SF3A3: variants seen among roughly 807,000 people sequenced by gnomAD.
The protein encoded by SF3A3 is splicing factor 3a subunit 3, also known as SAP 61.
SF3A3 carries 9 observed loss-of-function variants against 85.8 expected under a neutral mutation model. The ratio of observed to expected loss-of-function variants is 0.10; its 90% CI spans 0.06 to 0.18. SF3A3 has a LOEUF of 0.18. SF3A3 is among the 10% of genes least tolerant of loss of function. The pLI is 1.00. For synonymous variants in SF3A3, 195 were observed against 204.4 expected, an observed-to-expected ratio of 0.95 and a Z score of 0.39; for missense variants, 306 against 593.3, an observed-to-expected ratio of 0.52 and a Z score of 5.03.
intron 4 of SF3A3, among the ~76,000 whole-genome samples, chr1:37,985,176 G>GA (rs1330489787): frequency 6.6e-6 from 1 of 152,170 alleles, no homozygotes; most frequent in East Asian, 1.9e-4. Context: ...TTGGACTTCT[G>GA]ATGATTTATT....
At chr1:37,988,897 T>A (rs56292740) in intron 2 of SF3A3, among the ~76,000 whole-genome samples, 38,662 of 135,868 alleles carry the variant, frequency 0.28, 5,125 homozygotes, top group East Asian at 0.39. Context: ...ATATATATAT[T>A]TTTTTTTTCA....
At chr1:37,965,862 C>G (rs1646296231) in intron 15 of SF3A3, among the ~76,000 whole-genome samples, 2 of 152,108 alleles carry the variant, frequency 1.3e-5, no homozygotes, top group African/African-American at 4.8e-5. Context: ...TTACTTCTGT[C>G]TAATCAGCCA....
intron 9 of SF3A3, 106 bp from the exon 10 acceptor site, chr1:37,979,161 A>G: frequency 1.2e-6 from 1 of 856,950 alleles, no homozygotes; most frequent in Non-Finnish European, 2.0e-6. Context: ...AGGACCACAC[A>G]TTTCACAGCC....
At chr1:37,986,263 G>C (rs1570471231) in intron 4 of SF3A3, among the ~76,000 whole-genome samples, 1 of 151,918 alleles carries the variant, frequency 6.6e-6, no homozygotes, top group Non-Finnish European at 1.5e-5. Flanking sequence ...CCTTTCAAAT[G>C]CATGTTCCAT....
At chr1:37,980,479 T>C in intron 8 of SF3A3, 107 bp downstream of exon 8, 2 of 1,185,978 alleles carry the variant, frequency 1.7e-6, no homozygotes, top group Non-Finnish European at 2.4e-6. Flanking sequence ...TCACAAGTGA[T>C]ACCAAGGAAT....
chr1:37,976,155 C>CA (rs11312772), intron 12 of SF3A3, among the ~76,000 whole-genome samples: 3 of 142,576 alleles, frequency 2.1e-5, no homozygotes, highest in African/African-American at 7.8e-5. Flanking sequence ...GACTCTGTCT[C>CA]AAAAAAAAAA....
intron 15 of SF3A3, among the ~76,000 whole-genome samples, chr1:37,963,882 A>AAAG (rs1646279857): frequency 6.8e-6 from 1 of 148,060 alleles, no homozygotes; most frequent in Non-Finnish European, 1.5e-5. Flanking sequence ...TAAAAAAAAA[A>AAAG]AAAAAAAAAA....
intron 16 of SF3A3, among the ~76,000 whole-genome samples, chr1:37,958,937 C>A (rs931823374): frequency 2.0e-5 from 3 of 152,092 alleles, no homozygotes; most frequent in African/African-American, 7.2e-5. Flanking sequence ...ATCTCCCTGT[C>A]GCTATGAGAG....
At chr1:37,961,489 C>T (rs1646257347) in intron 15 of SF3A3, among the ~76,000 whole-genome samples, 1 of 151,398 alleles carries the variant, frequency 6.6e-6, no homozygotes, top group Non-Finnish European at 1.5e-5. Context: ...GAGGCTGAGG[C>T]AGGAGAATCG....
At chr1:37,984,817 T>C (rs767487165) in intron 4 of SF3A3, 38 bp from the exon 5 acceptor site, 48 of 1,570,370 alleles carry the variant, frequency 3.1e-5, no homozygotes, top group African/African-American at 6.8e-5. Context: ...GATTTTTCTT[T>C]TTGCTTTTGA....
chr1:37,977,830 C>T (rs1299791669), intron 11 of SF3A3, among the ~76,000 whole-genome samples: 1 of 151,402 alleles, frequency 6.6e-6, no homozygotes, highest in East Asian at 1.9e-4. Flanking sequence ...CAGAGGAAGA[C>T]TCCGTCTCAA....
In SF3A3 at chr1:37,957,004, C is replaced by CAGTTGA. The variant is rs1460550189; in HGVS notation, c.*1176_*1181dup. 1 of 152,116 alleles carries CAGTTGA rather than the reference C, an allele frequency of 6.6e-6. No individual in the cohort carries two copies. Among genetic ancestry groups the CAGTTGA allele is most frequent in the Non-Finnish European group, 1.5e-5 (1 of 68,028 alleles). 9.4% of individuals were successfully genotyped at this position (152,116 alleles called of 1,614,324 possible). On this transcript the variant is annotated 3_prime_UTR_variant, in exon 17 of 17. Transcript: ENST00000373019. ...TTTAAAAAGTAGATTTATTAAAAAACAGTTGAAGGTCTGAGTGTTGAGAGG... is the reference window on the plus strand; with the variant it reads ...TTTAAAAAGTAGATTTATTAAAAAACAGTTGAAGTTGAAGGTCTGAGTGTTGAGAGG...
chr1:37,966,080 G>C (rs1646297740), intron 15 of SF3A3, among the ~76,000 whole-genome samples: 1 of 151,996 alleles, frequency 6.6e-6, no homozygotes, highest in Non-Finnish European at 1.5e-5. Context: ...GCGAGCGCTT[G>C]TAATTCCAGC....
At chr1:37,969,828 A>T in intron 12 of SF3A3, 93 bp from the exon 13 acceptor site, 2 of 1,347,592 alleles carry the variant, frequency 1.5e-6, no homozygotes, top group Non-Finnish European at 2.0e-6. Context: ...CTGACCCCTT[A>T]CTTCCAAGGA....
chr1:37,967,752 C>T (rs1557749014), intron 15 of SF3A3, among the ~76,000 whole-genome samples: 1 of 145,178 alleles, frequency 6.9e-6, no homozygotes, highest in Non-Finnish European at 1.5e-5. Flanking sequence ...CCCAGCTACT[C>T]GGTAGGCTGA....
At chr1:37,960,004 C>A in intron 16 of SF3A3, 116 bp downstream of exon 16, 4 of 654,076 alleles carry the variant, frequency 6.1e-6, no homozygotes, top group South Asian at 4.1e-5. Context: ...TAGATATTGT[C>A]ACATTCTACT....
chr1:37,982,069 A>G (rs1470343793), intron 6 of SF3A3, among the ~76,000 whole-genome samples: 1 of 136,112 alleles, frequency 7.3e-6, no homozygotes, highest in Non-Finnish European at 1.7e-5. Context: ...TTAAACTAAA[A>G]GAAACGTTTG....
intron 13 of SF3A3, 28 bp from the exon 14 acceptor site, chr1:37,969,492 CA>C: frequency 6.2e-7 from 1 of 1,612,544 alleles, no homozygotes; most frequent in African/African-American, 1.3e-5. Context: ...AAAACAAAAC[CA>C]AGAAGTGTTA....
At chr1:37,988,881 A>G (rs11210942) in intron 2 of SF3A3, among the ~76,000 whole-genome samples, 60,258 of 134,042 alleles carry the variant, frequency 0.45, 12,509 homozygotes, top group African/African-American at 0.55. Flanking sequence ...GTGTGTGTGT[A>G]TATATATATA....
Sources: allele counts gnomAD v4.1 joint callset (sites outside exome capture counted in the v4.1 genomes callset), GRCh38; gene constraint gnomAD v4.1.1; transcripts MANE v1.5; gene names NCBI Gene and HGNC (gene_info 2026-07-23, HGNC 2026-07-21).